Variants in ZFP2 observed in about 807,000 individuals in gnomAD.
ZFP2 encodes zinc finger protein ZFP2.
In ZFP2, 33 loss-of-function variants were observed where a neutral mutation model predicts 36.1. That is an observed-to-expected ratio of 0.92 (90% CI 0.69 to 1.22). The LOEUF (loss-of-function observed/expected upper bound fraction) is 1.22. Among genes scored for constraint, ZFP2 ranks in the 50% most tolerant of loss-of-function variants. The pLI, the probability that ZFP2 is intolerant of heterozygous loss-of-function variation, is 0.00. For missense variants in ZFP2, 522 were observed against 551.4 expected (o/e 0.95, Z 0.53); for synonymous variants, 170 against 178.0 (o/e 0.96, Z 0.36).
At chr5:178,902,456 A>T (rs1278424953) in intron 1 of ZFP2, among the ~76,000 whole-genome samples, 1 of 152,208 alleles carries the variant, frequency 6.6e-6, no homozygotes, top group African/African-American at 2.4e-5. Context: ...CACACATTGT[A>T]TTTAGCTGTC....
rs878893574 is a variant in ZFP2, at chr5:178,909,880, T to C, written c.-449-2704T>C. ...TCAGGGCCAATCACCTGAGTGAAGTTAAGGAACATGTTCCAAGAGTCCCGG... is the reference window on the plus strand; with the variant it reads ...TCAGGGCCAATCACCTGAGTGAAGTCAAGGAACATGTTCCAAGAGTCCCGG... On this transcript the variant is annotated intron_variant, in intron 1 of 4. Coordinates refer to ENST00000361362, the MANE Select transcript of ZFP2 (RefSeq NM_030613.4). 9.8e-5 allele frequency: 155 copies of C among 1,574,068 alleles called. 2 individuals carry two copies. The South Asian group carries it at 1.6e-3, about 17-fold the overall frequency.
chr5:178,905,488 A>G (rs1758149660), intron 1 of ZFP2, among the ~76,000 whole-genome samples: 1 of 152,214 alleles, frequency 6.6e-6, no homozygotes, highest in African/African-American at 2.4e-5. Context: ...TTCATCATTT[A>G]TAATGTCCTT....
At chr5:178,913,192 C>A (rs922336895) in intron 3 of ZFP2, 121 bp downstream of exon 3, 18 of 375,932 alleles carry the variant, frequency 4.8e-5, no homozygotes, top group Non-Finnish European at 6.2e-5. Context: ...ATGACACCTC[C>A]GCATTACTGA....
chr5:178,918,925 G>T (rs543636382), intron 4 of ZFP2, among the ~76,000 whole-genome samples: 1 of 152,244 alleles, frequency 6.6e-6, no homozygotes, highest in East Asian at 1.9e-4. Context: ...CAGGCTCCAA[G>T]CCCACAATAC....
At chr5:178,897,553 T>A (rs1757968566) in intron 1 of ZFP2, among the ~76,000 whole-genome samples, 1 of 152,214 alleles carries the variant, frequency 6.6e-6, no homozygotes, top group South Asian at 2.1e-4. Flanking sequence ...ACATTTTTAT[T>A]TTTTTCCAAA....
chr5:178,923,712 T>A (rs1327994431), intron 4 of ZFP2, among the ~76,000 whole-genome samples: 1 of 148,350 alleles, frequency 6.7e-6, no homozygotes, highest in Non-Finnish European at 1.5e-5. Context: ...CCTGAGAAAA[T>A]CTCTTCTGCC....
rs1330882880 is a variant in ZFP2 at position 178,922,868 on chromosome 5, C to T, written c.-78+6158C>T. On this transcript the variant is annotated intron_variant, in intron 4 of 4. Transcript: ENST00000361362. ...ATTGTAGCTTTTTAAACTATGAAAC[C>T]CCTGAGAGATTGTACCTTCTAGTTG... Among the ~76,000 whole-genome samples the T allele has an allele frequency of 4.7e-5, 7 of 148,952 alleles. 1 individual carries two copies. Among genetic ancestry groups the T allele is most frequent in the Non-Finnish European group, 1.1e-4 (7 of 66,400 alleles).
intron 1 of ZFP2, chr5:178,910,151 G>A: frequency 6.9e-7 from 1 of 1,457,942 alleles, no homozygotes; most frequent in East Asian, 2.3e-5. Flanking sequence ...TGTCACTGCT[G>A]TCTGCATTTA....
Position 178,931,560 on chromosome 5 carries a change from G to A in ZFP2, c.247G>A (p.Ala83Thr), listed in dbSNP as rs750729848. 1.2e-6 allele frequency: 2 copies of A among 1,614,144 alleles called. No individual in the cohort carries two copies. The highest frequency in any genetic ancestry group is 4.5e-5 in the East Asian group (2 of 44,880). The change falls in exon 5 of 5, where the codon GCC becomes ACC. Residue 83 changes from alanine to threonine, a missense_variant. Coordinates refer to ENST00000361362, the MANE Select transcript of ZFP2 (RefSeq NM_030613.4). ...TAACTGTAATTCACATGGAGAAGAT[G>A]CCACACAAAATTCTGAGTTAATTAA... ...PHNCNSHGED[A>T]TQNSELIKTQ...
intron 1 of ZFP2, among the ~76,000 whole-genome samples, chr5:178,906,515 A>G (rs1758170423): frequency 6.6e-6 from 1 of 152,042 alleles, no homozygotes; most frequent in Non-Finnish European, 1.5e-5. Flanking sequence ...TGTAGGTACC[A>G]TACAGCTGGA....
At chr5:178,907,335 T>G (rs111813477) in intron 1 of ZFP2, among the ~76,000 whole-genome samples, 12,705 of 151,450 alleles carry the variant, frequency 0.084, 689 homozygotes, top group Admixed American at 0.13. Context: ...ATATATATTT[T>G]ATATAGTTAA....
At chr5:178,909,448 C>T (rs1307545925) in intron 1 of ZFP2, among the ~76,000 whole-genome samples, 1 of 152,204 alleles carries the variant, frequency 6.6e-6, no homozygotes, top group Non-Finnish European at 1.5e-5. Context: ...ATAGTGCTTG[C>T]TTCCAGAGCT....
rs367671192 is a variant in ZFP2 at position 178,932,038 on chromosome 5, A to G, written c.725A>G (p.Tyr242Cys). 6.2e-7 allele frequency: 1 copy of G among 1,614,090 alleles called. No homozygotes were observed. The highest frequency in any genetic ancestry group is 8.5e-7 in the Non-Finnish European group (1 of 1,180,010). The stretch of plus-strand genomic sequence containing the variant: ...AGAACTCATACAGGAGAAAAACCCT[A>G]TGAATGTAATGAATGTGGAAAAGCC... ...HQRTHTGEKP[Y>C]ECNECGKAFS... is the part of the protein sequence containing the mutation. Residue 242 changes from tyrosine (Y) to cysteine (C), a missense_variant, in exon 5 of 5, where the codon TAT becomes TGT. Tyr to Cys is a radical substitution (Grantham distance 194, BLOSUM62 -2). Transcript: ENST00000361362.
chr5:178,917,571 T>G (rs1321944374), intron 4 of ZFP2, among the ~76,000 whole-genome samples: 1 of 151,660 alleles, frequency 6.6e-6, no homozygotes, highest in East Asian at 1.9e-4. Context: ...GCCGAGATCA[T>G]GCCACTGCAC....
intron 1 of ZFP2, among the ~76,000 whole-genome samples, chr5:178,897,076 C>T (rs1757961739): frequency 6.6e-6 from 1 of 151,136 alleles, no homozygotes; most frequent in South Asian, 2.1e-4. Context: ...CAGTATAGGC[C>T]ATCTGGCTAC....
At position 178,922,685 on chromosome 5, in the gene ZFP2, C is replaced by T. The variant is rs1206140434; in HGVS notation, c.-78+5975C>T. On this transcript the variant is annotated intron_variant, in intron 4 of 4. Transcript: ENST00000361362. ...TTGTTATTTCACCACTCTGGATATA[C>T]TGGAATAGAAAGCAACTTACATACA... 15 of 1,585,214 alleles carry T rather than the reference C, an allele frequency of 9.5e-6. 1 individual carries two copies. Among genetic ancestry groups the T allele is most frequent in the East Asian group, 2.2e-5 (1 of 44,888 alleles).
intron 4 of ZFP2, chr5:178,922,766 T>C: frequency 2.0e-6 from 3 of 1,508,614 alleles, no homozygotes; most frequent in Non-Finnish European, 2.7e-6. Flanking sequence ...CTGTAAGGGC[T>C]GTGCAGAAAT....
chr5:178,920,086 C>G (rs1472658720), intron 4 of ZFP2, among the ~76,000 whole-genome samples: 3 of 152,082 alleles, frequency 2.0e-5, no homozygotes, highest in Non-Finnish European at 2.9e-5. Context: ...TCTTCAAATA[C>G]TTTTTCAGCA....
At chr5:178,920,019 T>C (rs1342298838) in intron 4 of ZFP2, among the ~76,000 whole-genome samples, 1 of 152,152 alleles carries the variant, frequency 6.6e-6, no homozygotes, top group African/African-American at 2.4e-5. Context: ...TTCTTTGGGT[T>C]TACCCTGTTC....
Sources: gnomAD v4.1 joint callset for allele counts (sites outside exome capture counted in the v4.1 genomes callset) on GRCh38, gnomAD v4.1.1 for gene constraint, MANE v1.5 for transcripts, NCBI Gene and HGNC (gene_info 2026-07-23, HGNC 2026-07-21) for gene names.